NCOA2: variants seen among roughly 807,000 people sequenced by gnomAD.
The protein encoded by NCOA2 is class E basic helix-loop-helix protein 75.
A neutral mutation model predicts 145.1 loss-of-function variants in NCOA2; 21 were observed. The observed-to-expected ratio is 0.14, with a 90% CI of 0.10 to 0.21. NCOA2 has a LOEUF of 0.21. Among genes scored for constraint, NCOA2 ranks in the 10% least tolerant of loss-of-function variants. NCOA2 has a pLI of 1.00. For synonymous variants in NCOA2, 619 were observed against 637.5 expected (o/e 0.97, Z 0.44); for missense variants, 1,472 against 1,837.6 (o/e 0.80, Z 3.64).
At chr8:70,403,417 GCCT>G (rs1252627687) in intron 1 of NCOA2, among the ~76,000 whole-genome samples, 1 of 151,486 alleles carries the variant, frequency 6.6e-6, no homozygotes, top group Admixed American at 6.6e-5. Flanking sequence ...GCGCTGGAGC[GCCT>G]CCTTTCTCTC....
intron 16 of NCOA2, among the ~76,000 whole-genome samples, 196 bp downstream of exon 16, chr8:70,131,641 C>G (rs1335584110): frequency 6.6e-6 from 1 of 152,144 alleles, no homozygotes; most frequent in African/African-American, 2.4e-5. Context: ...TTTCAGTGCT[C>G]TCCATTCTCA....
chr8:70,383,275 A>G (rs1256168013), intron 1 of NCOA2, among the ~76,000 whole-genome samples: 2 of 152,178 alleles, frequency 1.3e-5, no homozygotes, highest in African/African-American at 4.8e-5. Context: ...ACACCTCACC[A>G]AGGAGGAGCT....
At chr8:70,221,045 TC>T (rs935114278) in intron 2 of NCOA2, among the ~76,000 whole-genome samples, 3 of 152,184 alleles carry the variant, frequency 2.0e-5, no homozygotes, top group African/African-American at 4.8e-5. Flanking sequence ...CTTATGAATG[TC>T]TACTTGAAGA....
chr8:70,353,792 A>G (rs577350350), intron 1 of NCOA2, among the ~76,000 whole-genome samples: 1 of 152,282 alleles, frequency 6.6e-6, no homozygotes, highest in African/African-American at 2.4e-5. Flanking sequence ...ACGCTTGATT[A>G]TGTAAGCTTG....
the NCOA2 span, among the ~76,000 whole-genome samples, chr8:70,442,123 G>GAAAGAAAGAAAGAAAGAAAC: frequency 2.7e-5 from 3 of 111,174 alleles, no homozygotes; most frequent in African/African-American, 1.4e-4. Context: ...AAAGAAGAAA[G>GAAAGAAAGAAAGAAAGAAAC]AAAGAAAGAA....
chr8:70,366,159 T>C (rs1350608852), intron 1 of NCOA2, among the ~76,000 whole-genome samples: 1 of 152,132 alleles, frequency 6.6e-6, no homozygotes, highest in Non-Finnish European at 1.5e-5. Context: ...CAAGCCTGAA[T>C]CTAGGCCAAT....
At chr8:70,136,394 T>C (rs572965858) in intron 15 of NCOA2, among the ~76,000 whole-genome samples, 1 of 152,098 alleles carries the variant, frequency 6.6e-6, no homozygotes, top group South Asian at 2.1e-4. Context: ...ATCCACCAAA[T>C]TGTGAACTTA....
At chr8:70,357,864 A>G (rs1043825468) in intron 1 of NCOA2, among the ~76,000 whole-genome samples, 2 of 152,072 alleles carry the variant, frequency 1.3e-5, no homozygotes, top group Non-Finnish European at 1.5e-5. Flanking sequence ...CAGCCTGGGC[A>G]ACATGGTGAA....
chr8:70,156,570 G>C lies in NCOA2; in HGVS notation c.1795C>G (p.Gln599Glu), dbSNP rs1476871037. ...CCAGGATGGCAGCTGCTCTCTGCTTGTCCAGTTGTACCTTCAGAGGGCTCC... is the reference window on the plus strand; with the variant it reads ...CCAGGATGGCAGCTGCTCTCTGCTTCTCCAGTTGTACCTTCAGAGGGCTCC... ...YGEPSEGTTG[Q>E]AESSCHPGEQ... The change falls in exon 11 of 23, where the codon CAA (glutamine) becomes GAA (glutamate). Residue 599 changes from glutamine (Q) to glutamate (E), a missense_variant. By Grantham distance (29) the Gln-to-Glu change is conservative. Coordinates refer to ENST00000452400, the MANE Select transcript of NCOA2 (RefSeq NM_006540.4). 1.2e-6 allele frequency: 2 copies of C among 1,613,736 alleles called. No homozygotes were observed. Among genetic ancestry groups the C allele is most frequent in the Non-Finnish European group, 1.7e-6 (2 of 1,179,878 alleles).
intron 1 of NCOA2, among the ~76,000 whole-genome samples, chr8:70,391,742 A>G (rs1266318049): frequency 6.6e-6 from 1 of 152,220 alleles, no homozygotes; most frequent in Non-Finnish European, 1.5e-5. Flanking sequence ...ACCTTAAAAG[A>G]GATGAAAGGG....
chr8:70,367,779 T>C (rs184022697), intron 1 of NCOA2, among the ~76,000 whole-genome samples: 1 of 152,134 alleles, frequency 6.6e-6, no homozygotes, highest in African/African-American at 2.4e-5. Context: ...AAATAACAGA[T>C]AACACTTCTC....
At chr8:70,385,437 T>C (rs1267568635) in intron 1 of NCOA2, among the ~76,000 whole-genome samples, 1 of 152,176 alleles carries the variant, frequency 6.6e-6, no homozygotes, top group African/African-American at 2.4e-5. Flanking sequence ...CCAATTTTAT[T>C]TTATTTTTTG....
chr8:70,361,585 T>C (rs149948124), intron 1 of NCOA2, among the ~76,000 whole-genome samples: 60 of 152,350 alleles, frequency 3.9e-4, no homozygotes, highest in Non-Finnish European at 6.6e-4. Context: ...TTAATATGCA[T>C]AAAAATGAGG....
chr8:70,159,244 T>TGTATATATATATATGTATATATA, intron 10 of NCOA2, among the ~76,000 whole-genome samples: 6 of 69,286 alleles, frequency 8.7e-5, no homozygotes, highest in African/African-American at 3.1e-4. Flanking sequence ...ATATATATAT[T>TGTATATATATATATGTATATATA]TTTTTTTTTT....
intron 2 of NCOA2, among the ~76,000 whole-genome samples, chr8:70,288,141 T>C (rs1443148608): frequency 6.6e-6 from 1 of 152,204 alleles, no homozygotes; most frequent in Non-Finnish European, 1.5e-5. Context: ...ATTATGTGAA[T>C]TACTATGAGA....
At chr8:70,367,248 T>C (rs1368335352) in intron 1 of NCOA2, among the ~76,000 whole-genome samples, 2 of 152,254 alleles carry the variant, frequency 1.3e-5, no homozygotes, top group Non-Finnish European at 2.9e-5. Flanking sequence ...TCTATAATGC[T>C]GACCTTGTTT....
chr8:70,179,176 T>G (rs1815201166), intron 4 of NCOA2, among the ~76,000 whole-genome samples: 1 of 152,240 alleles, frequency 6.6e-6, no homozygotes, highest in African/African-American at 2.4e-5. Flanking sequence ...ATATGTATTT[T>G]CTAGCTAATT....
At chr8:70,216,926 C>A (rs190850421) in intron 2 of NCOA2, among the ~76,000 whole-genome samples, 162 bp from the exon 3 acceptor site, 2 of 152,082 alleles carry the variant, frequency 1.3e-5, no homozygotes, top group Non-Finnish European at 2.9e-5. Context: ...ATATAAAAGC[C>A]GTCTCTTTAA....
intron 21 of NCOA2, among the ~76,000 whole-genome samples, chr8:70,121,867 T>G (rs986638121): frequency 6.6e-6 from 1 of 152,266 alleles, no homozygotes; most frequent in African/African-American, 2.4e-5. Flanking sequence ...AATGGACTAT[T>G]CATTTGCATT....
Sources: gnomAD v4.1 joint callset for allele counts (sites outside exome capture counted in the v4.1 genomes callset) on GRCh38, gnomAD v4.1.1 for gene constraint, MANE v1.5 for transcripts, NCBI Gene and HGNC (gene_info 2026-07-23, HGNC 2026-07-21) for gene names.